Variants in STK3 observed in about 807,000 individuals in gnomAD.
The protein encoded by STK3 is serine/threonine kinase 3.
A neutral mutation model predicts 58.0 loss-of-function variants in STK3; 41 were observed. The observed-to-expected ratio is 0.71, with a 90% confidence interval of 0.55 to 0.92. The LOEUF is 0.92. STK3 is among the 40% of genes least tolerant of loss of function. The pLI is 0.00. For missense variants in STK3, 479 were observed against 602.7 expected (o/e 0.79, Z 2.15); for synonymous variants, 170 against 191.0 (o/e 0.89, Z 0.91).
chr8:98,432,740 T>C (rs1472552094), intron 3 of STK3: 2 of 167,134 alleles, frequency 1.2e-5, no homozygotes, highest in Non-Finnish European at 2.9e-5. Flanking sequence ...TTTAACAGCA[T>C]GACTTCTTAC....
chr8:98,569,135 C>T (rs78853342), intron 8 of STK3, among the ~76,000 whole-genome samples: 2,664 of 152,080 alleles, frequency 0.018, 74 homozygotes, highest in African/African-American at 0.061. Flanking sequence ...AGAGCAAGGT[C>T]TTCAAAATTA....
intron 1 of STK3, among the ~76,000 whole-genome samples, chr8:98,802,922 G>A (rs1193541702): frequency 6.6e-6 from 1 of 152,212 alleles, no homozygotes; most frequent in Non-Finnish European, 1.5e-5. Flanking sequence ...GCATATGTGT[G>A]TATTTCTGCC....
intron 6 of STK3, among the ~76,000 whole-genome samples, chr8:98,629,492 G>C (rs1027204614): frequency 4.6e-5 from 7 of 152,078 alleles, no homozygotes; most frequent in African/African-American, 1.7e-4. Flanking sequence ...TTTAGAACAT[G>C]GTCAAAAGTT....
intron 6 of STK3, among the ~76,000 whole-genome samples, chr8:98,609,966 C>CAA (rs1183279988): frequency 4.1e-5 from 3 of 73,476 alleles, no homozygotes; most frequent in Admixed American, 1.5e-4. Flanking sequence ...GACTCCGTCT[C>CAA]AAAAAAAAAA....
intron 1 of STK3, among the ~76,000 whole-genome samples, chr8:98,897,071 T>C (rs1161192135): frequency 6.6e-6 from 1 of 151,970 alleles, no homozygotes; most frequent in Non-Finnish European, 1.5e-5. Context: ...TCTGTGTCTA[T>C]GCAAAACAGA....
At chr8:98,859,399 C>A (rs936862181) in intron 3 of STK3, among the ~76,000 whole-genome samples, 15 of 152,062 alleles carry the variant, frequency 9.9e-5, no homozygotes, top group African/African-American at 3.6e-4. Context: ...ACAATTTTGG[C>A]CTATATATAA....
chr8:98,894,220 T>C (rs1202545339), intron 1 of STK3, among the ~76,000 whole-genome samples: 1 of 152,200 alleles, frequency 6.6e-6, no homozygotes, highest in African/African-American at 2.4e-5. Context: ...ATCTAATACA[T>C]CCACCTTGAC....
intron 3 of STK3, among the ~76,000 whole-genome samples, chr8:98,846,590 T>C (rs1007909482): frequency 2.6e-5 from 4 of 152,180 alleles, no homozygotes; most frequent in African/African-American, 9.6e-5. Flanking sequence ...GCAAAACTAG[T>C]TCCCAGTAGC....
intron 1 of STK3, among the ~76,000 whole-genome samples, chr8:98,441,911 T>G (rs767439861): frequency 1.8e-4 from 28 of 152,206 alleles, no homozygotes; most frequent in Non-Finnish European, 2.8e-4. Context: ...CCTCTCTCAT[T>G]CAGCTCCAGA....
chr8:98,878,247 T>C (rs1233738950), intron 3 of STK3, among the ~76,000 whole-genome samples: 1 of 152,086 alleles, frequency 6.6e-6, no homozygotes, highest in East Asian at 1.9e-4. Context: ...AAGACTGGGT[T>C]TCCCCATGTT....
intron 1 of STK3, among the ~76,000 whole-genome samples, chr8:98,783,163 AACAATAAAGCAAATACC>A (rs1401137641): frequency 1.3e-5 from 2 of 152,224 alleles, no homozygotes; most frequent in Non-Finnish European, 2.9e-5. Context: ...TCCATACCGC[AACAATAAAGCAAATACC>A]ACAATAAAGC....
At chr8:98,429,047 G>A in intron 3 of STK3, 1 of 1,613,274 alleles carries the variant, frequency 6.2e-7, no homozygotes. Context: ...AGGAGAACGA[G>A]GGCCTGGCCA....
At chr8:98,684,308 A>G (rs1237766912) in intron 6 of STK3, among the ~76,000 whole-genome samples, 3 of 152,142 alleles carry the variant, frequency 2.0e-5, no homozygotes, top group Non-Finnish European at 4.4e-5. Context: ...ACTGTCAATA[A>G]GCAGGTTCAG....
At chr8:98,796,359 T>C (rs1833164321) in intron 1 of STK3, among the ~76,000 whole-genome samples, 1 of 152,154 alleles carries the variant, frequency 6.6e-6, no homozygotes, top group Non-Finnish European at 1.5e-5. Context: ...AGCCATCTGA[T>C]CTTCAACAAA....
intron 4 of STK3, among the ~76,000 whole-genome samples, chr8:98,716,192 A>T (rs1826999178): frequency 6.6e-6 from 1 of 152,178 alleles, no homozygotes; most frequent in Admixed American, 6.5e-5. Flanking sequence ...TTAAATGATG[A>T]GTTAATGGGT....
At chr8:98,630,038 C>T (rs1819061022) in intron 6 of STK3, among the ~76,000 whole-genome samples, 1 of 152,124 alleles carries the variant, frequency 6.6e-6, no homozygotes, top group South Asian at 2.1e-4. Context: ...CCTTACCCTG[C>T]CTCGCCTGTT....
At chr8:98,682,481 A>G (rs1331926960) in intron 6 of STK3, among the ~76,000 whole-genome samples, 3 of 152,218 alleles carry the variant, frequency 2.0e-5, no homozygotes, top group East Asian at 1.9e-4. Context: ...AAATGCTTAC[A>G]AAGTCACCGC....
In STK3 at chr8:98,656,838, T is replaced by C. The variant is rs551001068; in HGVS notation, c.684+49629A>G. 4.6e-5 allele frequency among the ~76,000 whole-genome samples: 7 copies of C among 152,254 alleles called. No individual in the cohort carries two copies. The East Asian group carries it at 1.4e-3, about 29-fold the overall frequency. On this transcript the variant is annotated intron_variant, in intron 6 of 10. Coordinates refer to ENST00000419617, the MANE Select transcript of STK3 (RefSeq NM_006281.4). Reference sequence around the variant, plus strand: ...CATTTGCTGTTTGGTTATAGTTAGTTCAAGTATTTTCCTCAAATGAAGCAA... The same window carrying C: ...CATTTGCTGTTTGGTTATAGTTAGTCCAAGTATTTTCCTCAAATGAAGCAA...
chr8:98,568,374 A>ACC (rs1368204511), intron 8 of STK3, among the ~76,000 whole-genome samples: 13 of 152,322 alleles, frequency 8.5e-5, no homozygotes, highest in African/African-American at 3.1e-4. Context: ...AAAACAGATA[A>ACC]ATATGTAAGC....
Sources: allele counts gnomAD v4.1 joint callset (sites outside exome capture counted in the v4.1 genomes callset), GRCh38; gene constraint gnomAD v4.1.1; transcripts MANE v1.5; gene names NCBI Gene and HGNC (gene_info 2026-07-23, HGNC 2026-07-21).